Variants in RNF150 observed in about 807,000 individuals in gnomAD.
RNF150 encodes ring finger protein 150.
RNF150 carries 24 observed loss-of-function variants against 39.3 expected under a neutral mutation model. The observed-to-expected ratio is 0.61, with a 90% confidence interval of 0.44 to 0.86. RNF150 has a LOEUF of 0.86. Ranked by LOEUF, RNF150 falls within the 40% of genes least tolerant of loss-of-function variation. The pLI is 0.00. For synonymous variants in RNF150, 255 were observed against 227.3 expected (o/e 1.12, Z -1.10); for missense variants, 502 against 587.8 (o/e 0.85, Z 1.51).
chr4:141,142,088 C>A (rs980784200), intron 1 of RNF150, among the ~76,000 whole-genome samples: 1 of 151,862 alleles, frequency 6.6e-6, no homozygotes, highest in East Asian at 1.9e-4. Context: ...CTCCTTTGAA[C>A]GTTTTATACC....
At chr4:140,884,481 A>G (rs1199472669) in intron 6 of RNF150, among the ~76,000 whole-genome samples, 3 of 152,034 alleles carry the variant, frequency 2.0e-5, no homozygotes, top group Non-Finnish European at 1.5e-5. Context: ...GATTCTGGAG[A>G]TCTCTCAGGC....
chr4:141,113,029 T>G (rs1739438077), intron 1 of RNF150, among the ~76,000 whole-genome samples: 1 of 152,086 alleles, frequency 6.6e-6, no homozygotes, highest in African/African-American at 2.4e-5. Flanking sequence ...CTATTGATAC[T>G]TGAGTATGTC....
At chr4:141,205,442 A>T (rs1350976263) in intron 1 of RNF150, among the ~76,000 whole-genome samples, 1 of 152,192 alleles carries the variant, frequency 6.6e-6, no homozygotes, top group Non-Finnish European at 1.5e-5. Context: ...GGGTTTGGAA[A>T]GGCAAAATTA....
At chr4:140,923,517 T>C (rs888901490) in intron 5 of RNF150, among the ~76,000 whole-genome samples, 2 of 152,178 alleles carry the variant, frequency 1.3e-5, no homozygotes, top group Non-Finnish European at 2.9e-5. Context: ...TTTTACACTG[T>C]TGGTGGGACT....
At chr4:140,977,610 C>T (rs1733713189) in intron 1 of RNF150, among the ~76,000 whole-genome samples, 1 of 152,104 alleles carries the variant, frequency 6.6e-6, no homozygotes, top group African/African-American at 2.4e-5. Flanking sequence ...ATTATATAAC[C>T]AGGTAGTGAC....
At chr4:141,184,680 A>G (rs556792072) in intron 1 of RNF150, among the ~76,000 whole-genome samples, 1 of 152,226 alleles carries the variant, frequency 6.6e-6, no homozygotes, top group South Asian at 2.1e-4. Flanking sequence ...AATTTTTTGT[A>G]TAAGGTGTAA....
chr4:141,026,328 A>T (rs1735695523), intron 1 of RNF150, among the ~76,000 whole-genome samples: 1 of 152,234 alleles, frequency 6.6e-6, no homozygotes, highest in Non-Finnish European at 1.5e-5. Flanking sequence ...TATATATTGG[A>T]GAGAATGATT....
chr4:140,947,758 T>C (rs1443311994), intron 3 of RNF150, 22 bp from the exon 4 acceptor site: 17 of 1,518,572 alleles, frequency 1.1e-5, no homozygotes, highest in Non-Finnish European at 1.5e-5. Context: ...GAAGCACAGA[T>C]GAGCCTATTT....
chr4:140,990,336 CT>C (rs1734151842), intron 1 of RNF150, among the ~76,000 whole-genome samples: 1 of 151,754 alleles, frequency 6.6e-6, no homozygotes, highest in Non-Finnish European at 1.5e-5. Flanking sequence ...ACATTAACAA[CT>C]TTCTTTTTTT....
At chr4:141,001,170 C>G (rs73858700) in intron 1 of RNF150, among the ~76,000 whole-genome samples, 1 of 152,056 alleles carries the variant, frequency 6.6e-6, no homozygotes, top group Non-Finnish European at 1.5e-5. Context: ...TTATGCCTAT[C>G]GTTGTAAAAA....
rs1317219767 is a variant in RNF150, at chr4:141,000,038, GAA to G, written c.485-32167_485-32166del. On this transcript the variant is annotated intron_variant, in intron 1 of 6. Transcript: ENST00000515673. Reference sequence around the variant, plus strand: ...AGAAGAAGAAGAAGAAGAAGAAGAAGAAGAAGAAGAAGAAGAAGAAGAAGAAG... The same window carrying G: ...AGAAGAAGAAGAAGAAGAAGAAGAAGGAAGAAGAAGAAGAAGAAGAAGAAG... 5.3e-4 allele frequency among the ~76,000 whole-genome samples: 29 copies of G among 54,438 alleles called. 3 individuals carry two copies. Among genetic ancestry groups the G allele is most frequent in the African/African-American group, 1.3e-3 (26 of 20,118 alleles). 35.7% of individuals were successfully genotyped at this position (54,438 alleles called of 152,430 possible). A position where few individuals can be genotyped will look rare whatever the true frequency, so the allele number is the denominator to read the frequency against.
chr4:141,092,911 C>A (rs184866808), intron 1 of RNF150, among the ~76,000 whole-genome samples: 2 of 151,790 alleles, frequency 1.3e-5, no homozygotes, highest in East Asian at 3.9e-4. Flanking sequence ...TAAAACATGT[C>A]TGAGTAGGAA....
chr4:141,132,866 TC>T lies in RNF150; in HGVS notation c.-59del. The T allele has an allele frequency of 2.1e-6, 3 of 1,432,012 alleles. No homozygotes were observed. The highest frequency in any genetic ancestry group is 2.9e-6 in the Non-Finnish European group (3 of 1,038,184). The allele number at this position is 1,432,012 out of a possible 1,614,324, so 88.7% of individuals were successfully genotyped here. ...CGCCCTCCCTCCGTCCCGTCCCTCC[TC>T]CCCAGCCCCGGCCAACCCCGGGCCG... is the stretch of plus-strand genomic sequence containing the variant. On this transcript the variant is annotated 5_prime_UTR_variant, in exon 1 of 7. Coordinates refer to ENST00000515673, the MANE Select transcript of RNF150 (RefSeq NM_020724.2). The surrounding 1 kb of genome is among the most constrained non-coding windows in gnomAD (Gnocchi z 4.9).
chr4:141,041,278 A>G (rs1238777405), intron 1 of RNF150, among the ~76,000 whole-genome samples: 1 of 152,164 alleles, frequency 6.6e-6, no homozygotes, highest in Non-Finnish European at 1.5e-5. Context: ...TAAACAGATA[A>G]ATCACAACAT....
intron 1 of RNF150, among the ~76,000 whole-genome samples, chr4:141,060,366 A>T (rs559096897): frequency 6.6e-6 from 1 of 152,176 alleles, no homozygotes; most frequent in Non-Finnish European, 1.5e-5. Flanking sequence ...GGTTGAGCCC[A>T]GGAGGTTGAG....
chr4:141,098,121 T>G (rs1262863775), intron 1 of RNF150, among the ~76,000 whole-genome samples: 2 of 152,236 alleles, frequency 1.3e-5, no homozygotes, highest in Non-Finnish European at 2.9e-5. Context: ...TACAGCCAAT[T>G]TCCTGCCTTT....
At chr4:141,059,840 TA>T (rs1167168177) in intron 1 of RNF150, among the ~76,000 whole-genome samples, 1 of 152,076 alleles carries the variant, frequency 6.6e-6, no homozygotes, top group Non-Finnish European at 1.5e-5. Context: ...CTCAGCCATT[TA>T]AAAAAAGTTT....
rs55764233 is a variant in RNF150, at chr4:141,044,798, C to CACACA, written c.485-76926_485-76925insTGTGT. Among the ~76,000 whole-genome samples, 110 of 143,150 alleles carry CACACA rather than the reference C, an allele frequency of 7.7e-4. 1 individual carries two copies. Among genetic ancestry groups the CACACA allele is most frequent in the East Asian group, 3.4e-3 (12 of 3,514 alleles). The allele number at this position is 143,150 out of a possible 152,430, so 93.9% of individuals were successfully genotyped here. ...ACACACACACGCACACACACACACA[C>CACACA]AATTCATGTGAGCCTGGGAGGGTCT... On this transcript the variant is annotated intron_variant, in intron 1 of 6. Transcript: ENST00000515673.
chr4:141,022,577 T>G (rs1735535963), intron 1 of RNF150, among the ~76,000 whole-genome samples: 1 of 152,146 alleles, frequency 6.6e-6, no homozygotes, highest in Non-Finnish European at 1.5e-5. Flanking sequence ...AGTTAAAAAC[T>G]CCAGTATAAA....
Sources: gnomAD v4.1 joint callset for allele counts (sites outside exome capture counted in the v4.1 genomes callset) on GRCh38, gnomAD v4.1.1 for gene constraint, Gnocchi (gnomAD v3.1) non-coding constraint, MANE v1.5 for transcripts, NCBI Gene and HGNC (gene_info 2026-07-23, HGNC 2026-07-21) for gene names.